ARID1B: variants seen among roughly 807,000 people sequenced by gnomAD.
ARID1B encodes AT-rich interactive domain-containing protein 1B.
In ARID1B, 30 loss-of-function variants were observed where a neutral mutation model predicts 212.3. The ratio of observed to expected loss-of-function variants is 0.14; its 90% CI spans 0.11 to 0.19. ARID1B has a LOEUF of 0.19. Ranked by LOEUF, ARID1B falls within the 10% of genes least tolerant of loss-of-function variation. ARID1B has a pLI of 1.00. For synonymous variants in ARID1B, 1,402 were observed against 1,301.7 expected, an observed-to-expected ratio of 1.08 and a Z score of -1.66; for missense variants, 2,891 against 3,204.0, an observed-to-expected ratio of 0.90 and a Z score of 2.36.
chr6:157,095,650 G>GT (rs1785566755), intron 5 of ARID1B, among the ~76,000 whole-genome samples: 2 of 152,164 alleles, frequency 1.3e-5, no homozygotes, highest in Admixed American at 1.3e-4. Flanking sequence ...TAGTGCTGAG[G>GT]TTTTTTCCCC....
chr6:156,894,424 T>C (rs67189619), intron 2 of ARID1B, among the ~76,000 whole-genome samples: 17,385 of 152,218 alleles, frequency 0.11, 1,193 homozygotes, highest in East Asian at 0.3. Context: ...AGTGTGAATG[T>C]ACTTATGCAT....
Position 157,207,935 on chromosome 6 carries a change from C to G in ARID1B, c.*44C>G. ...CATGTGTGAGTGAAGATTAGAGGGT[C>G]ACATATAACTGGCTGTTTTCTGTTC... On this transcript the variant is annotated 3_prime_UTR_variant, in exon 20 of 20. Coordinates refer to ENST00000636930, the MANE Select transcript of ARID1B (RefSeq NM_001374828.1). This position sits in a 1 kb window ranked among gnomAD's most constrained non-coding sequence, Gnocchi z 8.5. The G allele has an allele frequency of 7.0e-7, 1 of 1,436,066 alleles. No individual in the cohort carries two copies. Among genetic ancestry groups the G allele is most frequent in the Non-Finnish European group, 9.2e-7 (1 of 1,091,896 alleles). 89.0% of individuals were successfully genotyped at this position (1,436,066 alleles called of 1,614,324 possible).
intron 19 of ARID1B, chr6:157,204,991 C>T (rs375175821): frequency 1.3e-5 from 2 of 152,194 alleles, no homozygotes; most frequent in South Asian, 2.1e-4. Context: ...AAACATTGTA[C>T]GAGTTCTGTG....
At chr6:156,872,725 G>A (rs1786239053) in intron 2 of ARID1B, among the ~76,000 whole-genome samples, 2 of 152,096 alleles carry the variant, frequency 1.3e-5, no homozygotes, top group Non-Finnish European at 2.9e-5. Flanking sequence ...CCAGAAAAAG[G>A]GGAAATAGGT....
intron 4 of ARID1B, among the ~76,000 whole-genome samples, chr6:157,058,390 G>GT (rs1245422086): frequency 6.6e-6 from 1 of 151,482 alleles, no homozygotes; most frequent in Non-Finnish European, 1.5e-5. Context: ...TCAGCCTCCT[G>GT]AGTGGCCGGG....
At chr6:156,828,976 T>C (rs1387831481) in intron 1 of ARID1B, among the ~76,000 whole-genome samples, 1 of 152,232 alleles carries the variant, frequency 6.6e-6, no homozygotes, top group Non-Finnish European at 1.5e-5. Flanking sequence ...TGGTCCAAAA[T>C]CGTTTTTAGT....
At chr6:157,010,999 G>C (rs1287667839) in intron 4 of ARID1B, among the ~76,000 whole-genome samples, 1 of 152,168 alleles carries the variant, frequency 6.6e-6, no homozygotes, top group Non-Finnish European at 1.5e-5. Context: ...ACCTCTCATA[G>C]TTTTTCTTTT....
rs1336291092 is a variant in ARID1B at position 157,148,998 on chromosome 6, C to T, written c.3089+47C>T. The stretch of plus-strand genomic sequence containing the variant: ...CCCGGGCAGGTACGCTGTGTGTCTA[C>T]CCGTGACCACGTGACTGCGCACATA... On this transcript the variant is annotated intron_variant, in intron 8 of 19. Coordinates refer to ENST00000636930, the MANE Select transcript of ARID1B (RefSeq NM_001374828.1). The surrounding 1 kb of genome is among the most constrained non-coding windows in gnomAD (Gnocchi z 5.6). 6.4e-7 allele frequency: 1 copy of T among 1,552,174 alleles called. No individual in the cohort carries two copies. The highest frequency in any genetic ancestry group is 8.8e-7 in the Non-Finnish European group (1 of 1,142,314).
At chr6:157,170,777 C>T (rs1161408192) in intron 9 of ARID1B, among the ~76,000 whole-genome samples, 1 of 152,100 alleles carries the variant, frequency 6.6e-6, no homozygotes, top group Non-Finnish European at 1.5e-5. Flanking sequence ...GAGGGTCCTC[C>T]CGGTCAGGGC....
At chr6:157,097,844 C>T (rs1434759950) in intron 5 of ARID1B, among the ~76,000 whole-genome samples, 1 of 152,104 alleles carries the variant, frequency 6.6e-6, no homozygotes, top group Non-Finnish European at 1.5e-5. Context: ...AACTGCTAAT[C>T]GGATCCATGC....
At position 156,930,992 on chromosome 6, in the gene ARID1B, C is replaced by T. The variant is rs1173685538; in HGVS notation, c.2137-4474C>T. Among the ~76,000 whole-genome samples the T allele has an allele frequency of 3.3e-5, 5 of 152,070 alleles. No individual in the cohort carries two copies. The South Asian group carries it at 1.0e-3, about 32-fold the overall frequency. On this transcript the variant is annotated intron_variant, in intron 3 of 19. Transcript: ENST00000636930. ...GTTCACAAGGTCAGGAGATAGAGAC[C>T]ATTCTGGCCAACACAGTGAAACCCC... is the stretch of plus-strand genomic sequence containing the variant.
chr6:157,042,017 T>C (rs923826171), intron 4 of ARID1B, among the ~76,000 whole-genome samples: 1 of 152,192 alleles, frequency 6.6e-6, no homozygotes, highest in African/African-American at 2.4e-5. Flanking sequence ...TTGATTCACC[T>C]CCTACAGGTC....
chr6:156,950,098 G>T (rs930837681), intron 4 of ARID1B, among the ~76,000 whole-genome samples: 3 of 152,202 alleles, frequency 2.0e-5, no homozygotes, highest in African/African-American at 4.8e-5. Flanking sequence ...TTTATCCTCA[G>T]AGTCGGTTGG....
At chr6:156,942,213 T>C (rs1459714869) in intron 4 of ARID1B, 1 of 152,204 alleles carries the variant, frequency 6.6e-6, no homozygotes, top group Non-Finnish European at 1.5e-5. Context: ...GAAGCATAAC[T>C]GATTTGCAGG....
chr6:157,134,363 G>T (rs1446314929), intron 7 of ARID1B, among the ~76,000 whole-genome samples: 2 of 152,192 alleles, frequency 1.3e-5, no homozygotes, highest in Non-Finnish European at 2.9e-5. Context: ...ATGGAGCATT[G>T]TTTCTTTGCC....
intron 4 of ARID1B, chr6:157,023,043 A>G (rs1235901806): frequency 2.0e-5 from 3 of 152,232 alleles, no homozygotes; most frequent in Non-Finnish European, 4.4e-5. Context: ...CTGTATACAG[A>G]TTTTATAAAA....
intron 1 of ARID1B, among the ~76,000 whole-genome samples, chr6:156,827,356 C>T (rs1048731183): frequency 3.9e-5 from 6 of 152,250 alleles, no homozygotes; most frequent in African/African-American, 9.6e-5. Context: ...TCTCCAAATC[C>T]TGCCGCATTT....
intron 3 of ARID1B, among the ~76,000 whole-genome samples, chr6:156,906,882 G>A (rs1789438887): frequency 6.6e-6 from 1 of 151,990 alleles, no homozygotes; most frequent in African/African-American, 2.4e-5. Context: ...CTTATTTTTT[G>A]TTGCTATTGT....
At chr6:156,888,867 T>C (rs1787719563) in intron 2 of ARID1B, among the ~76,000 whole-genome samples, 1 of 152,226 alleles carries the variant, frequency 6.6e-6, no homozygotes. Flanking sequence ...TAGTTATGAG[T>C]CTCGCATTTA....
Sources: allele counts gnomAD v4.1 joint callset (sites outside exome capture counted in the v4.1 genomes callset), GRCh38; gene constraint gnomAD v4.1.1; non-coding constraint Gnocchi (gnomAD v3.1); transcripts MANE v1.5; gene names NCBI Gene and HGNC (gene_info 2026-07-23, HGNC 2026-07-21).